GRIP2: variants seen among roughly 807,000 people sequenced by gnomAD.
GRIP2 encodes the protein glutamate receptor-interacting protein 2.
Under a neutral mutation model 108.3 loss-of-function variants are expected in GRIP2, and 58 were observed. The observed-to-expected ratio is 0.54, with a 90% CI of 0.43 to 0.67. The LOEUF (loss-of-function observed/expected upper bound fraction) is 0.67. GRIP2 is among the 30% of genes least tolerant of loss of function. The pLI is 0.00. For synonymous variants in GRIP2, 586 were observed against 598.2 expected, an observed-to-expected ratio of 0.98 and a Z score of 0.30; for missense variants, 1,278 against 1,430.6, an observed-to-expected ratio of 0.89 and a Z score of 1.72.
At position 14,512,490 on chromosome 3, in the gene GRIP2, C is replaced by T. The variant is rs532469009; in HGVS notation, c.1720+287G>A. On this transcript the variant is annotated intron_variant, in intron 14 of 23. Coordinates refer to ENST00000621039, the MANE Select transcript of GRIP2 (RefSeq NM_001080423.4). This position sits in a 1 kb window ranked among gnomAD's most constrained non-coding sequence, Gnocchi z 5.1. ...CCAAACCCAGCCTAAATATTTGTCA[C>T]CTTCCAATGCTCTCTCACCATGGGC... 4.9e-5 allele frequency among the ~76,000 whole-genome samples: 7 copies of T among 142,510 alleles called. No homozygotes were observed. Among genetic ancestry groups the T allele is most frequent in the African/African-American group, 2.1e-4 (7 of 32,850 alleles). The allele number at this position is 142,510 out of a possible 152,430, so 93.5% of individuals were successfully genotyped here.
At position 14,490,759 on chromosome 3, in the gene GRIP2, T is replaced by C. The variant is rs529275623; in HGVS notation, c.*2906A>G. On this transcript the variant is annotated 3_prime_UTR_variant, in exon 24 of 24. Coordinates refer to ENST00000621039, the MANE Select transcript of GRIP2 (RefSeq NM_001080423.4). Reference sequence around the variant, plus strand: ...TATCTCAGGGCCTTTGCACTAGCTGTGCCCGCTGCCTGAGACACTCTTCCT... The same window carrying C: ...TATCTCAGGGCCTTTGCACTAGCTGCGCCCGCTGCCTGAGACACTCTTCCT... The C allele has an allele frequency of 1.5e-4, 23 of 152,366 alleles. No individual in the cohort carries two copies. The highest frequency in any genetic ancestry group is 5.5e-4 in the African/African-American group (23 of 41,586). 9.4% of individuals were successfully genotyped at this position (152,366 alleles called of 1,614,324 possible).
At chr3:14,582,793 G>A in the GRIP2 span, among the ~76,000 whole-genome samples, 117,077 of 152,108 alleles carry the variant, frequency 0.77, 45,346 homozygotes, top group South Asian at 0.87. Flanking sequence ...TTTTCACTCC[G>A]TGACCTAATT....
chr3:14,558,450 A>G (rs1413754946), upstream of GRIP2, among the ~76,000 whole-genome samples: 1 of 151,752 alleles, frequency 6.6e-6, no homozygotes, highest in Non-Finnish European at 1.5e-5. Flanking sequence ...TCCTAGCTCC[A>G]TCAGTGCCTT....
At chr3:14,578,564 A>G in the GRIP2 span, among the ~76,000 whole-genome samples, 6 of 152,042 alleles carry the variant, frequency 3.9e-5, no homozygotes, top group Non-Finnish European at 7.4e-5. Flanking sequence ...TAAAAATACA[A>G]AAATTAGCCA....
At chr3:14,542,182 G>A (rs977293413), upstream of GRIP2, 50 of 677,848 alleles carry the variant, frequency 7.4e-5, no homozygotes, top group Admixed American at 8.1e-4. Flanking sequence ...GTGACACAGC[G>A]TCTCACTCTG....
At chr3:14,572,686 C>A in the GRIP2 span, among the ~76,000 whole-genome samples, 1 of 146,942 alleles carries the variant, frequency 6.8e-6, no homozygotes, top group Non-Finnish European at 1.5e-5. Context: ...CCCAGCAGTA[C>A]AAGGGGTTCA....
At chr3:14,532,857 A>G (rs1694745643) in intron 1 of GRIP2, among the ~76,000 whole-genome samples, 1 of 152,202 alleles carries the variant, frequency 6.6e-6, no homozygotes, top group South Asian at 2.1e-4. Flanking sequence ...GGCGGGGCTC[A>G]GCCTGAGTCA....
chr3:14,499,432 G>C (rs1002648716), intron 21 of GRIP2, among the ~76,000 whole-genome samples: 1 of 152,120 alleles, frequency 6.6e-6, no homozygotes, highest in Non-Finnish European at 1.5e-5. Context: ...AAAGAAACTT[G>C]AGAACCGGCA....
At chr3:14,602,374 G>C in the GRIP2 span, 1 of 151,976 alleles carries the variant, frequency 6.6e-6, no homozygotes, top group Non-Finnish European at 1.5e-5. The surrounding 1 kb of genome is among the most constrained non-coding windows in gnomAD (Gnocchi z 4.7). Context: ...TGGCCTCCTC[G>C]CAACTTTGAG....
In GRIP2 at chr3:14,522,107, TC is replaced by T. The variant is rs1694429107; in HGVS notation, c.567-321del. 1 of 291,016 alleles carries T rather than the reference TC, an allele frequency of 3.4e-6. No individual in the cohort carries two copies. Among genetic ancestry groups the T allele is most frequent in the African/African-American group, 2.2e-5 (1 of 45,316 alleles). The allele number at this position is 291,016 out of a possible 1,614,324, so 18.0% of individuals were successfully genotyped here. A position where few individuals can be genotyped will look rare whatever the true frequency, so the allele number is the denominator to read the frequency against. On this transcript the variant is annotated intron_variant, in intron 6 of 23. Coordinates refer to ENST00000621039, the MANE Select transcript of GRIP2 (RefSeq NM_001080423.4). This position sits in a 1 kb window ranked among gnomAD's most constrained non-coding sequence, Gnocchi z 4.3. Reference sequence around the variant, plus strand: ...CTGAGCTGGGGGTGCTCTTCAAGCGTCACCCCCAACTCCTGCCTCAGGGACA... The same window carrying T: ...CTGAGCTGGGGGTGCTCTTCAAGCGTACCCCCAACTCCTGCCTCAGGGACA...
intron 4 of GRIP2, chr3:14,524,048 A>C: frequency 2.1e-6 from 1 of 479,426 alleles, no homozygotes; most frequent in Non-Finnish European, 3.7e-6. Context: ...GCTAGGTGAA[A>C]CCCTACACCA....
At chr3:14,508,232 G>T (rs1431117809) in intron 17 of GRIP2, among the ~76,000 whole-genome samples, 1 of 152,240 alleles carries the variant, frequency 6.6e-6, no homozygotes, top group Non-Finnish European at 1.5e-5. Flanking sequence ...AGTAGGGCGT[G>T]AAGGGCTGGT....
chr3:14,497,449 C>T (rs1041310176), intron 21 of GRIP2, among the ~76,000 whole-genome samples: 25 of 152,202 alleles, frequency 1.6e-4, no homozygotes, highest in East Asian at 1.9e-4. Context: ...AGGACAAGGA[C>T]GAAGAGGCCC....
chr3:14,538,145 C>T (rs1185370895), intron 1 of GRIP2, among the ~76,000 whole-genome samples: 1 of 152,188 alleles, frequency 6.6e-6, no homozygotes, highest in Non-Finnish European at 1.5e-5. Context: ...GCCTGGTCCA[C>T]AGAGCCCAGC....
chr3:14,540,196 C>A lies in GRIP2; in HGVS notation c.40+73G>T. 6.4e-7 allele frequency: 1 copy of A among 1,555,024 alleles called. No individual in the cohort carries two copies. Among genetic ancestry groups the A allele is most frequent in the South Asian group, 1.2e-5 (1 of 83,348 alleles). On this transcript the variant is annotated intron_variant, in intron 1 of 23. Coordinates refer to ENST00000621039, the MANE Select transcript of GRIP2 (RefSeq NM_001080423.4). The surrounding 1 kb of genome is among the most constrained non-coding windows in gnomAD (Gnocchi z 4.1). Reference sequence around the variant, plus strand: ...AGGTCTCAGCCATCCAGTCCCCTCTCTCTGGGCAGCAGCTCCAGAGGGATC... The same window carrying A: ...AGGTCTCAGCCATCCAGTCCCCTCTATCTGGGCAGCAGCTCCAGAGGGATC...
At chr3:14,504,057 G>A (rs1368894375) in intron 20 of GRIP2, 1 of 258,882 alleles carries the variant, frequency 3.9e-6, no homozygotes, top group Non-Finnish European at 7.6e-6. Context: ...ACGGCACCGT[G>A]GGACAGTGAC....
chr3:14,519,544 C>G (rs922962183), intron 9 of GRIP2, among the ~76,000 whole-genome samples: 1 of 152,226 alleles, frequency 6.6e-6, no homozygotes, highest in Admixed American at 6.5e-5. Context: ...GGCTGCTGGA[C>G]GTGCTTTCCT....
the GRIP2 span, among the ~76,000 whole-genome samples, chr3:14,581,305 C>T: frequency 6.6e-6 from 1 of 152,192 alleles, no homozygotes; most frequent in Non-Finnish European, 1.5e-5. Flanking sequence ...GTAACAGCAC[C>T]CTGATTTTGC....
At chr3:14,556,236 A>G (rs1267385506), upstream of GRIP2, among the ~76,000 whole-genome samples, 2 of 152,006 alleles carry the variant, frequency 1.3e-5, no homozygotes, top group Non-Finnish European at 2.9e-5. Flanking sequence ...CCCCACCCTC[A>G]AGTCCTCTTC....
Sources: allele counts gnomAD v4.1 joint callset (sites outside exome capture counted in the v4.1 genomes callset), GRCh38; gene constraint gnomAD v4.1.1; non-coding constraint Gnocchi (gnomAD v3.1); transcripts MANE v1.5; gene names NCBI Gene and HGNC (gene_info 2026-07-23, HGNC 2026-07-21).